Variants in ACSL1 observed in about 807,000 individuals in gnomAD.
The protein encoded by ACSL1 is acyl-CoA synthetase long chain family member 1, also known as long-chain-fatty-acid--CoA ligase 1.
ACSL1 carries 41 observed loss-of-function variants against 98.4 expected under a neutral mutation model. The observed-to-expected ratio is 0.42, with a 90% CI of 0.32 to 0.54. The LOEUF is 0.54. Ranked by LOEUF, ACSL1 falls within the 20% of genes least tolerant of loss-of-function variation. The pLI, the probability that ACSL1 is intolerant of heterozygous loss-of-function variation, is 0.13. For synonymous variants in ACSL1, 316 were observed against 322.7 expected (o/e 0.98, Z 0.22); for missense variants, 734 against 883.1 (o/e 0.83, Z 2.14).
intron 7 of ACSL1, among the ~76,000 whole-genome samples, chr4:184,775,596 G>A (rs576517863): frequency 1.2e-4 from 18 of 152,266 alleles, no homozygotes; most frequent in African/African-American, 4.1e-4. Context: ...GGGCAGGGGC[G>A]CACACATGCA....
chr4:184,783,312 C>T (rs1222039206), intron 4 of ACSL1, among the ~76,000 whole-genome samples: 1 of 152,224 alleles, frequency 6.6e-6, no homozygotes, highest in Non-Finnish European at 1.5e-5. Flanking sequence ...TCCCAGCTTC[C>T]TTTGTGCTTA....
At chr4:184,815,353 C>T (rs1772533696) in intron 1 of ACSL1, among the ~76,000 whole-genome samples, 3 of 152,162 alleles carry the variant, frequency 2.0e-5, no homozygotes, top group Admixed American at 2.0e-4. Flanking sequence ...TCAGGAGCCT[C>T]TGCCTCTCTC....
chr4:184,759,758 T>C (rs531282188), intron 18 of ACSL1, among the ~76,000 whole-genome samples: 4 of 152,258 alleles, frequency 2.6e-5, no homozygotes, highest in East Asian at 3.9e-4. Flanking sequence ...AGTTCAACCA[T>C]TGTGGAAGTC....
intron 1 of ACSL1, chr4:184,812,105 A>C: frequency 9.6e-6 from 8 of 830,498 alleles, no homozygotes; most frequent in Non-Finnish European, 1.2e-5. Context: ...GAACTCCAGG[A>C]CTTCTTTATT....
chr4:184,809,856 C>A (rs1004021988), intron 1 of ACSL1, among the ~76,000 whole-genome samples: 1 of 152,150 alleles, frequency 6.6e-6, no homozygotes, highest in Admixed American at 6.5e-5. Flanking sequence ...TATTTGAGTT[C>A]TTTGAATATG....
intron 1 of ACSL1, among the ~76,000 whole-genome samples, chr4:184,822,574 G>A (rs1428391209): frequency 1.3e-5 from 2 of 151,740 alleles, no homozygotes; most frequent in African/African-American, 4.8e-5. Context: ...GCTTCACTAC[G>A]AAAAAAATAC....
intron 2 of ACSL1, among the ~76,000 whole-genome samples, chr4:184,796,998 G>A (rs1024846709): frequency 6.6e-6 from 1 of 152,146 alleles, no homozygotes; most frequent in African/African-American, 2.4e-5. Context: ...GACCCATCAG[G>A]CTGGTGTCAG....
At position 184,788,661 on chromosome 4, in the gene ACSL1, A is replaced by G. The variant is rs1767833625; in HGVS notation, c.266T>C (p.Val89Ala). ...CTGGAAACCTTCGTATAATGTTGTG[A>G]CATCATCATAGAAATACACCAAGGG... ...DEPLVYFYDD[V>A]TTLYEGFQRG... The change falls in exon 3 of 21, where the codon GTC becomes GCC. Residue 89 changes from valine (V) to alanine (A), a missense_variant. Transcript: ENST00000281455. The G allele has an allele frequency of 6.2e-7, 1 of 1,614,176 alleles. No homozygotes were observed. Among genetic ancestry groups the G allele is most frequent in the East Asian group, 2.2e-5 (1 of 44,886 alleles).
Position 184,779,385 on chromosome 4 carries a change from C to A in ACSL1, c.477+947G>T, listed in dbSNP as rs1055327155. On this transcript the variant is annotated intron_variant, in intron 5 of 20. Coordinates refer to ENST00000281455, the MANE Select transcript of ACSL1 (RefSeq NM_001995.5). ...TCACCTCCTGCCATGATTCTGAGGC[C>A]CCCCCAGCCATGTGAAACTGCAAGT... Among the ~76,000 whole-genome samples, 8 of 152,128 alleles carry A rather than the reference C, an allele frequency of 5.3e-5. No homozygotes were observed. The East Asian group carries it at 9.6e-4, about 18-fold the overall frequency.
At chr4:184,769,907 C>T (rs950926741) in intron 11 of ACSL1, among the ~76,000 whole-genome samples, 2 of 152,218 alleles carry the variant, frequency 1.3e-5, no homozygotes, top group African/African-American at 4.8e-5. Flanking sequence ...TCCTCTTTCT[C>T]CAAGGGCACT....
At chr4:184,818,590 T>C (rs1772814073) in intron 1 of ACSL1, among the ~76,000 whole-genome samples, 1 of 152,160 alleles carries the variant, frequency 6.6e-6, no homozygotes, top group Non-Finnish European at 1.5e-5. Context: ...GAACCTGCCC[T>C]ACCCTCAATC....
At chr4:184,767,748 C>A (rs937194751) in intron 12 of ACSL1, among the ~76,000 whole-genome samples, 1 of 152,204 alleles carries the variant, frequency 6.6e-6, no homozygotes, top group Non-Finnish European at 1.5e-5. Flanking sequence ...AGTAAGTGAA[C>A]ACTCTTTCTG....
chr4:184,801,940 T>G (rs1408144641), intron 2 of ACSL1, among the ~76,000 whole-genome samples: 1 of 152,238 alleles, frequency 6.6e-6, no homozygotes, highest in Non-Finnish European at 1.5e-5. Context: ...GTTATACATG[T>G]CTTAACACTG....
intron 1 of ACSL1, among the ~76,000 whole-genome samples, chr4:184,811,182 C>T (rs1454413084): frequency 6.7e-6 from 1 of 150,242 alleles, no homozygotes; most frequent in East Asian, 2.0e-4. Flanking sequence ...GATCTCGGCT[C>T]ACTGCAAGCT....
At chr4:184,801,652 A>G (rs1232434110) in intron 2 of ACSL1, among the ~76,000 whole-genome samples, 1 of 152,264 alleles carries the variant, frequency 6.6e-6, no homozygotes, top group Non-Finnish European at 1.5e-5. Flanking sequence ...AAGCAAGCTC[A>G]GTATCTATTT....
chr4:184,825,076 A>C lies in ACSL1; in HGVS notation c.-33+840T>G. ...AAAAGTCTTAGCCAGGGCACTAGAG[A>C]ACGCTTTTAGAATGGTCACTCTTAA... On this transcript the variant is annotated intron_variant, in intron 1 of 20. Coordinates refer to ENST00000281455, the MANE Select transcript of ACSL1 (RefSeq NM_001995.5). This position sits in a 1 kb window ranked among gnomAD's most constrained non-coding sequence, Gnocchi z 4.7. The C allele has an allele frequency of 1.5e-6, 1 of 685,534 alleles. No individual in the cohort carries two copies. The highest frequency in any genetic ancestry group is 1.8e-6 in the Non-Finnish European group (1 of 555,968). The allele number at this position is 685,534 out of a possible 1,614,324, so 42.5% of individuals were successfully genotyped here.
In ACSL1 at chr4:184,787,079, T is replaced by C. The variant is rs117219671; in HGVS notation, c.310+1538A>G. ...CACATGGTTCCTGACCGTAAAAAGA[T>C]TACAATGTAGCTAGCAGTGGCCCAA... On this transcript the variant is annotated intron_variant, in intron 3 of 20. Transcript: ENST00000281455. 2.4e-4 allele frequency among the ~76,000 whole-genome samples: 37 copies of C among 152,308 alleles called. No individual in the cohort carries two copies. In the East Asian group the frequency reaches 5.8e-3, roughly 24 times the overall value.
At chr4:184,826,015 C>G (rs1773457540), upstream of ACSL1, 1 of 148,102 alleles carries the variant, frequency 6.8e-6, no homozygotes, top group African/African-American at 2.4e-5. Flanking sequence ...CTGGCGCCGC[C>G]GCCTCGGCCC....
Position 184,766,687 on chromosome 4 carries a change from C to G in ACSL1, c.1198G>C (p.Glu400Gln). ...LDFASKRKEA[E>Q]LRSGIIRNNS... ...TTTCTGATGATGCCGCTGCGAAGCT[C>G]TGCTTCTTTCCTCTTGGAGGCAAAG... The change falls in exon 13 of 21, where the codon GAG becomes CAG. Residue 400 changes from glutamate (E) to glutamine (Q), a missense_variant. Transcript: ENST00000281455. The surrounding 1 kb of genome is among the most constrained non-coding windows in gnomAD (Gnocchi z 4.8). 2 of 1,614,200 alleles carry G rather than the reference C, an allele frequency of 1.2e-6. No individual in the cohort carries two copies. Among genetic ancestry groups the G allele is most frequent in the Admixed American group, 1.7e-5 (1 of 60,026 alleles).
Sources: gnomAD v4.1 joint callset for allele counts (sites outside exome capture counted in the v4.1 genomes callset) on GRCh38, gnomAD v4.1.1 for gene constraint, Gnocchi (gnomAD v3.1) non-coding constraint, MANE v1.5 for transcripts, NCBI Gene and HGNC (gene_info 2026-07-23, HGNC 2026-07-21) for gene names.